Variants in ST6GALNAC3 observed in about 807,000 individuals in gnomAD.
The protein encoded by ST6GALNAC3 is alpha-N-acetylgalactosaminide alpha-2,6-sialyltransferase 3.
In ST6GALNAC3, 25 loss-of-function variants were observed where a neutral mutation model predicts 32.7. That is an observed-to-expected ratio of 0.76 (90% CI 0.56 to 1.07). The LOEUF (loss-of-function observed/expected upper bound fraction) is 1.07, where lower values mean the gene tolerates loss of function less well. Among genes scored for constraint, ST6GALNAC3 ranks in the 50% least tolerant of loss-of-function variants. The pLI is 0.00. For missense variants in ST6GALNAC3, 355 were observed against 382.4 expected (o/e 0.93, Z 0.60); for synonymous variants, 129 against 133.1 (o/e 0.97, Z 0.21).
At chr1:76,104,365 A>C (rs1048481196) in intron 1 of ST6GALNAC3, among the ~76,000 whole-genome samples, 1 of 152,198 alleles carries the variant, frequency 6.6e-6, no homozygotes, top group African/African-American at 2.4e-5. Flanking sequence ...GATGGCTTGA[A>C]GATGATCCAT....
At chr1:76,489,985 C>A (rs920121069) in intron 3 of ST6GALNAC3, among the ~76,000 whole-genome samples, 1 of 152,196 alleles carries the variant, frequency 6.6e-6, no homozygotes, top group African/African-American at 2.4e-5. Context: ...ATCTTCCAGA[C>A]AGACTTTCAG....
At position 76,345,496 on chromosome 1, in the gene ST6GALNAC3, A is replaced by T. The variant is rs1648428076; in HGVS notation, c.213+31497A>T. ...ATGGTGGCATAGCTTTTACCCACTG[A>T]AAAGATGTTCACAGCAAGGTCTATC... is the stretch of plus-strand genomic sequence containing the variant. On this transcript the variant is annotated intron_variant, in intron 2 of 4. Coordinates refer to ENST00000328299, the MANE Select transcript of ST6GALNAC3 (RefSeq NM_152996.4). Among the ~76,000 whole-genome samples the T allele has an allele frequency of 2.0e-5, 3 of 152,150 alleles. No individual in the cohort carries two copies. The South Asian group carries it at 6.2e-4, about 32-fold the overall frequency.
chr1:76,224,059 G>A (rs1218570446), intron 1 of ST6GALNAC3, among the ~76,000 whole-genome samples: 3 of 152,138 alleles, frequency 2.0e-5, no homozygotes, highest in Non-Finnish European at 4.4e-5. Context: ...CGTGACGTGA[G>A]ACTCACCCCA....
At chr1:76,441,566 A>G (rs1223764372) in intron 3 of ST6GALNAC3, among the ~76,000 whole-genome samples, 1 of 152,198 alleles carries the variant, frequency 6.6e-6, no homozygotes, top group Non-Finnish European at 1.5e-5. Flanking sequence ...TAACGTAATT[A>G]CAGCATGATG....
Position 76,509,276 on chromosome 1 carries a change from AC to A in ST6GALNAC3, c.623+96861del. On this transcript the variant is annotated intron_variant, in intron 3 of 4. Coordinates refer to ENST00000328299, the MANE Select transcript of ST6GALNAC3 (RefSeq NM_152996.4). The surrounding 1 kb of genome is among the most constrained non-coding windows in gnomAD (Gnocchi z 5.5). ...GGGCAGCAGGCAGTGAGTAGTTGTT[AC>A]CTAATTTGCATTCAAAGAATGGTTT... is the stretch of plus-strand genomic sequence containing the variant. Among the ~76,000 whole-genome samples, 1 of 152,320 alleles carries A rather than the reference AC, an allele frequency of 6.6e-6. No individual in the cohort carries two copies. Among genetic ancestry groups the A allele is most frequent in the Non-Finnish European group, 1.5e-5 (1 of 68,024 alleles).
intron 1 of ST6GALNAC3, among the ~76,000 whole-genome samples, chr1:76,283,387 T>G (rs1301286399): frequency 6.6e-6 from 1 of 152,210 alleles, no homozygotes; most frequent in Non-Finnish European, 1.5e-5. Flanking sequence ...TATATTTAAA[T>G]AAACTTAAAT....
intron 3 of ST6GALNAC3, among the ~76,000 whole-genome samples, chr1:76,572,573 C>T (rs1646721121): frequency 6.6e-6 from 1 of 152,100 alleles, no homozygotes; most frequent in African/African-American, 2.4e-5. Context: ...TGCCAGATCA[C>T]CAGATGCACA....
intron 2 of ST6GALNAC3, among the ~76,000 whole-genome samples, chr1:76,377,812 G>T (rs573657333): frequency 1.3e-5 from 2 of 152,282 alleles, no homozygotes; most frequent in East Asian, 3.9e-4. Flanking sequence ...TGTATGTAAA[G>T]TTCTTAGTGT....
chr1:76,402,453 T>C (rs1653497879), intron 2 of ST6GALNAC3, among the ~76,000 whole-genome samples: 1 of 152,158 alleles, frequency 6.6e-6, no homozygotes, highest in Admixed American at 6.5e-5. Flanking sequence ...CTAGTGCCCA[T>C]GACTATTTCT....
intron 2 of ST6GALNAC3, among the ~76,000 whole-genome samples, chr1:76,371,422 T>C (rs1008717770): frequency 1.3e-5 from 2 of 151,084 alleles, no homozygotes; most frequent in Admixed American, 6.6e-5. Flanking sequence ...AAACCGAGAG[T>C]TGTAGTGGAA....
chr1:76,092,178 C>T (rs1307218523), intron 1 of ST6GALNAC3, among the ~76,000 whole-genome samples: 2 of 152,170 alleles, frequency 1.3e-5, no homozygotes, highest in Admixed American at 1.3e-4. Flanking sequence ...ATAAAAATGT[C>T]TCTTGGATCA....
intron 2 of ST6GALNAC3, among the ~76,000 whole-genome samples, chr1:76,401,667 T>C (rs1653428647): frequency 6.6e-6 from 1 of 152,310 alleles, no homozygotes; most frequent in Admixed American, 6.5e-5. Context: ...GTTCTAGGTG[T>C]CTAAAGTCAA....
chr1:76,483,495 A>G (rs1659877838), intron 3 of ST6GALNAC3, among the ~76,000 whole-genome samples: 1 of 151,998 alleles, frequency 6.6e-6, no homozygotes, highest in Non-Finnish European at 1.5e-5. Context: ...GCATTTTTTC[A>G]TGTGTCTGTT....
At chr1:76,474,169 C>T (rs927183772) in intron 3 of ST6GALNAC3, among the ~76,000 whole-genome samples, 19 of 152,130 alleles carry the variant, frequency 1.2e-4, no homozygotes, top group Admixed American at 3.3e-4. Context: ...CCCCACAATG[C>T]AGAATTGTGA....
rs750605153 is a variant in ST6GALNAC3, at chr1:76,628,601, CT to C, written c.732-10del. 51 of 1,541,312 alleles carry C rather than the reference CT, an allele frequency of 3.3e-5. No homozygotes were observed. The highest frequency in any genetic ancestry group is 1.4e-4 in the East Asian group (6 of 43,794). ...TTCATCTCAATCTTTCTCTCCTTTT[CT>C]TTTTTTTTCTTTTCTAGGACAGAAG... On this transcript the variant is annotated intron_variant, in intron 4 of 4. Transcript: ENST00000328299.
At chr1:76,232,281 C>T (rs2100641001) in intron 1 of ST6GALNAC3, among the ~76,000 whole-genome samples, 1 of 152,264 alleles carries the variant, frequency 6.6e-6, no homozygotes, top group South Asian at 2.1e-4. Flanking sequence ...AGTATTTATC[C>T]ATTGTATGGT....
At chr1:76,617,472 C>T (rs1648375659) in intron 3 of ST6GALNAC3, among the ~76,000 whole-genome samples, 1 of 152,086 alleles carries the variant, frequency 6.6e-6, no homozygotes, top group African/African-American at 2.4e-5. Flanking sequence ...GGGAAACAGG[C>T]ACCTATGCCT....
At chr1:76,400,269 G>A (rs931639607) in intron 2 of ST6GALNAC3, among the ~76,000 whole-genome samples, 2 of 152,110 alleles carry the variant, frequency 1.3e-5, no homozygotes, top group African/African-American at 4.8e-5. Context: ...TCCTTTTGCT[G>A]CATCTGTTGA....
intron 3 of ST6GALNAC3, among the ~76,000 whole-genome samples, chr1:76,514,506 T>C (rs1662056741): frequency 6.6e-6 from 1 of 152,092 alleles, no homozygotes; most frequent in Non-Finnish European, 1.5e-5. Context: ...CTTGGTTCTA[T>C]TCTCAGTGAG....
Sources: allele counts gnomAD v4.1 joint callset (sites outside exome capture counted in the v4.1 genomes callset), GRCh38; gene constraint gnomAD v4.1.1; non-coding constraint Gnocchi (gnomAD v3.1); transcripts MANE v1.5; gene names NCBI Gene and HGNC (gene_info 2026-07-23, HGNC 2026-07-21).